The following N4BP2 variants were observed in gnomAD, a reference collection of about 807,000 sequenced individuals.
N4BP2 encodes the protein NEDD4-binding protein 2.
N4BP2 carries 91 observed loss-of-function variants against 152.8 expected under a neutral mutation model. The ratio of observed to expected loss-of-function variants is 0.60; its 90% confidence interval spans 0.50 to 0.71. N4BP2 has a LOEUF of 0.71. Ranked by LOEUF, N4BP2 falls within the 30% of genes least tolerant of loss-of-function variation. The pLI, the probability that N4BP2 is intolerant of heterozygous loss-of-function variation, is 0.00. For synonymous variants in N4BP2, 646 were observed against 705.3 expected (o/e 0.92, Z 1.33); for missense variants, 1,923 against 2,059.1 (o/e 0.93, Z 1.28).
At chr4:40,123,072 G>A in intron 9 of N4BP2, 55 bp from the exon 10 acceptor site, 1 of 1,166,842 alleles carries the variant, frequency 8.6e-7, no homozygotes, top group Admixed American at 1.9e-5. Flanking sequence ...TATGTTTTCT[G>A]CAAATATATA....
chr4:40,122,325 A>G lies in N4BP2; in HGVS notation c.4198+16A>G. The G allele has an allele frequency of 1.3e-6, 2 of 1,506,826 alleles. No homozygotes were observed. Among genetic ancestry groups the G allele is most frequent in the Non-Finnish European group, 1.8e-6 (2 of 1,113,156 alleles). 93.3% of individuals were successfully genotyped at this position (1,506,826 alleles called of 1,614,324 possible). A position where few individuals can be genotyped will look rare whatever the true frequency, so the allele number is the denominator to read the frequency against. The stretch of plus-strand genomic sequence containing the variant: ...ATTGATTCAGGTAAGGAAAAAGTAA[A>G]TGACCATGTGTGTGTCTTTGTGTGA... On this transcript the variant is annotated intron_variant, in intron 9 of 17. Transcript: ENST00000261435.
chr4:40,066,728 T>G (rs555752435), intron 1 of N4BP2, among the ~76,000 whole-genome samples: 25 of 152,194 alleles, frequency 1.6e-4, no homozygotes, highest in African/African-American at 6.0e-4. Context: ...GTTTTTTTAG[T>G]TGGGGAAAAA....
the N4BP2 span, among the ~76,000 whole-genome samples, chr4:40,171,131 T>C: frequency 7.9e-4 from 120 of 152,344 alleles, 2 homozygotes; most frequent in East Asian, 0.021. Context: ...TAGCCTATCT[T>C]GCTAGGTTGC....
At chr4:40,178,426 C>CA in the N4BP2 span, among the ~76,000 whole-genome samples, 3,663 of 148,898 alleles carry the variant, frequency 0.025, 49 homozygotes, top group African/African-American at 0.042. Flanking sequence ...GCCACCAAAA[C>CA]AAAAAAAAAA....
intron 12 of N4BP2, among the ~76,000 whole-genome samples, chr4:40,127,814 C>A (rs895017047): frequency 2.0e-5 from 3 of 152,108 alleles, no homozygotes; most frequent in Non-Finnish European, 4.4e-5. Flanking sequence ...GTGCCTGCCA[C>A]CGCGCCCGGC....
intron 1 of N4BP2, among the ~76,000 whole-genome samples, chr4:40,058,430 G>A (rs1733394144): frequency 6.6e-6 from 1 of 152,192 alleles, no homozygotes; most frequent in African/African-American, 2.4e-5. Flanking sequence ...AGGATGGGGG[G>A]TAGGAGCGAG....
At chr4:40,113,317 C>A in intron 6 of N4BP2, 115 bp from the exon 7 acceptor site, 1 of 727,772 alleles carries the variant, frequency 1.4e-6, no homozygotes, top group Non-Finnish European at 2.3e-6. Flanking sequence ...GCCATTTTAA[C>A]ACACTCATCA....
At chr4:40,108,117 G>A (rs1014550086) in intron 5 of N4BP2, among the ~76,000 whole-genome samples, 3 of 151,702 alleles carry the variant, frequency 2.0e-5, no homozygotes, top group Admixed American at 1.3e-4. Flanking sequence ...TAGTAGCGAC[G>A]GGGTTTTGCC....
chr4:40,103,900 T>C (rs1360169589), intron 4 of N4BP2, among the ~76,000 whole-genome samples: 2 of 152,200 alleles, frequency 1.3e-5, no homozygotes, highest in African/African-American at 2.4e-5. Context: ...ATAGTCCCTC[T>C]CTATCCCTGC....
chr4:40,077,038 T>G (rs1197759255), intron 2 of N4BP2, among the ~76,000 whole-genome samples: 1 of 152,130 alleles, frequency 6.6e-6, no homozygotes, highest in Non-Finnish European at 1.5e-5. Flanking sequence ...TTTTGTTTGT[T>G]TCTTTTTTGA....
At chr4:40,115,343 A>G (rs114078166) in intron 7 of N4BP2, among the ~76,000 whole-genome samples, 161 of 152,232 alleles carry the variant, frequency 1.1e-3, no homozygotes, top group African/African-American at 3.7e-3. Flanking sequence ...CAAAAAATAA[A>G]AAAATTAGCT....
chr4:40,081,570 C>T lies in N4BP2; in HGVS notation c.-115+8019C>T, dbSNP rs140149317. 1.9e-3 allele frequency among the ~76,000 whole-genome samples: 289 copies of T among 151,652 alleles called. 3 individuals carry two copies. The highest frequency in any genetic ancestry group is 6.5e-3 in the African/African-American group (271 of 41,398). Reference sequence around the variant, plus strand: ...CTGAGGCAGGAGGATTGCTTGAACGCGGGAGCTGGAGGTTGTAGTGAGCCA... The same window carrying T: ...CTGAGGCAGGAGGATTGCTTGAACGTGGGAGCTGGAGGTTGTAGTGAGCCA... On this transcript the variant is annotated intron_variant, in intron 2 of 17. Transcript: ENST00000261435.
chr4:40,132,165 A>G (rs1718962789), intron 13 of N4BP2, among the ~76,000 whole-genome samples: 1 of 152,154 alleles, frequency 6.6e-6, no homozygotes, highest in Non-Finnish European at 1.5e-5. Flanking sequence ...CACAGTAAAA[A>G]ATTAACAACT....
chr4:40,089,819 G>C (rs1349231482), intron 2 of N4BP2, among the ~76,000 whole-genome samples: 1 of 151,958 alleles, frequency 6.6e-6, no homozygotes, highest in Non-Finnish European at 1.5e-5. Context: ...CTCTTTTTTA[G>C]TTCCCACAAG....
In N4BP2 at chr4:40,102,307, C is replaced by G. The variant is rs149445903; in HGVS notation, c.462C>G (p.Asn154Lys). 6.2e-7 allele frequency: 1 copy of G among 1,613,138 alleles called. No individual in the cohort carries two copies. Among genetic ancestry groups the G allele is most frequent in the Non-Finnish European group, 8.5e-7 (1 of 1,179,628 alleles). ...SLIQNAFEKL[N>K]SSPDDQVYSF... ...TACAGAATGCTTTTGAGAAATTGAA[C>G]TCTTCTCCTGATGACCAAGTATACT... Residue 154 changes from asparagine to lysine, a missense_variant, in exon 4 of 18, where the codon AAC (asparagine) becomes AAG (lysine). Coordinates refer to ENST00000261435, the MANE Select transcript of N4BP2 (RefSeq NM_018177.6).
intron 1 of N4BP2, among the ~76,000 whole-genome samples, chr4:40,071,629 C>T (rs917475801): frequency 1.1e-4 from 16 of 152,014 alleles, no homozygotes; most frequent in African/African-American, 3.4e-4. Flanking sequence ...TGCAATGGTG[C>T]GATCTCGGCT....
chr4:40,093,183 A>T (rs1714782739), intron 2 of N4BP2, among the ~76,000 whole-genome samples: 1 of 151,148 alleles, frequency 6.6e-6, no homozygotes, highest in Non-Finnish European at 1.5e-5. Context: ...ACCTCAGGTG[A>T]TCCACCCGCC....
In N4BP2 at chr4:40,125,886, CAAA is replaced by C. The variant is rs34106957; in HGVS notation, c.4331-230_4331-228del. On this transcript the variant is annotated intron_variant, in intron 11 of 17. Coordinates refer to ENST00000261435, the MANE Select transcript of N4BP2 (RefSeq NM_018177.6). ...TGGGCGACAGAGCAAGACTCCGTCT[CAAA>C]AAAAAAAAAAAAAAAAATTATACAC... 3.5e-3 allele frequency among the ~76,000 whole-genome samples: 362 copies of C among 103,296 alleles called. 1 individual carries two copies. Among genetic ancestry groups the C allele is most frequent in the African/African-American group, 0.011 (317 of 28,084 alleles). The allele number at this position is 103,296 out of a possible 152,430, so 67.8% of individuals were successfully genotyped here. A position where few individuals can be genotyped will look rare whatever the true frequency, so the allele number is the denominator to read the frequency against.
At chr4:40,172,861 A>G in the N4BP2 span, among the ~76,000 whole-genome samples, 1 of 152,210 alleles carries the variant, frequency 6.6e-6, no homozygotes, top group Non-Finnish European at 1.5e-5. Flanking sequence ...TCTTCAGCAC[A>G]TGCCTGGCTA....
Sources: allele counts gnomAD v4.1 joint callset (sites outside exome capture counted in the v4.1 genomes callset), GRCh38; gene constraint gnomAD v4.1.1; transcripts MANE v1.5; gene names NCBI Gene and HGNC (gene_info 2026-07-23, HGNC 2026-07-21).